SEPTIN6: variants seen among roughly 807,000 people sequenced by gnomAD.
The protein encoded by SEPTIN6 is septin-6.
In SEPTIN6, 8 loss-of-function variants were observed where a neutral mutation model predicts 33.6. The observed-to-expected ratio is 0.24, with a 90% CI of 0.14 to 0.43. SEPTIN6 has a LOEUF of 0.43. Among genes scored for constraint, SEPTIN6 ranks in the 20% least tolerant of loss-of-function variants. The pLI, the probability that SEPTIN6 is intolerant of heterozygous loss-of-function variation, is 1.00. For synonymous variants in SEPTIN6, 131 were observed against 140.0 expected, an observed-to-expected ratio of 0.94 and a Z score of 0.45; for missense variants, 250 against 340.8, an observed-to-expected ratio of 0.73 and a Z score of 2.10.
chrX:119,646,835 G>A (rs1013991478), intron 5 of SEPTIN6: 1 of 266,444 alleles, frequency 3.8e-6, no homozygotes, highest in African/African-American at 2.7e-5. Context: ...CCCAAGCCCA[G>A]GTCCTGAGGA....
chrX:119,634,867 G>C (rs1460302625), intron 7 of SEPTIN6, among the ~76,000 whole-genome samples: 1 of 109,788 alleles, frequency 9.1e-6, no homozygotes, highest in Non-Finnish European at 1.9e-5. Flanking sequence ...AAATTAGCTG[G>C]GTGAGGTGGT....
At chrX:119,621,359 C>T (rs2053756407) in intron 10 of SEPTIN6, among the ~76,000 whole-genome samples, 1 of 109,331 alleles carries the variant, frequency 9.1e-6, no homozygotes, top group African/African-American at 3.3e-5. Flanking sequence ...TAGAACTGAT[C>T]CCCATTTCAT....
intron 1 of SEPTIN6, among the ~76,000 whole-genome samples, chrX:119,691,931 T>C (rs2055179378): frequency 9.0e-6 from 1 of 111,476 alleles, no homozygotes; most frequent in African/African-American, 3.3e-5. Context: ...GGTGGGCTTA[T>C]TAAAGTCCCA....
chrX:119,640,577 C>A, intron 6 of SEPTIN6, 115 bp downstream of exon 6: 1 of 583,174 alleles, frequency 1.7e-6, no homozygotes, highest in Non-Finnish European at 2.8e-6. Flanking sequence ...GGACCCATGC[C>A]GAATGAGCAG....
intron 1 of SEPTIN6, among the ~76,000 whole-genome samples, chrX:119,678,004 G>A (rs1199669205): frequency 8.9e-6 from 1 of 112,133 alleles, no homozygotes; most frequent in Admixed American, 9.4e-5. Context: ...AGGCCGAAGT[G>A]GGCGGATCTC....
chrX:119,638,272 T>C (rs2054100680), intron 6 of SEPTIN6, among the ~76,000 whole-genome samples: 1 of 111,427 alleles, frequency 9.0e-6, no homozygotes, highest in Non-Finnish European at 1.9e-5. Flanking sequence ...CTTTCTGGCC[T>C]GTGTGAACAA....
At chrX:119,662,658 CA>C (rs1208436729) in intron 3 of SEPTIN6, among the ~76,000 whole-genome samples, 1 of 112,304 alleles carries the variant, frequency 8.9e-6, no homozygotes, top group African/African-American at 3.2e-5. Context: ...AGTGTTAGCC[CA>C]GGGGCAGAAC....
chrX:119,616,431 T>C, downstream of SEPTIN6: 1 of 442,414 alleles, frequency 2.3e-6, no homozygotes, highest in South Asian at 2.6e-5. Context: ...GGGTGAGTGG[T>C]CCTGTAGTTG....
At chrX:119,689,172 A>T (rs1395146569) in intron 1 of SEPTIN6, among the ~76,000 whole-genome samples, 1 of 111,770 alleles carries the variant, frequency 8.9e-6, no homozygotes, top group Non-Finnish European at 1.9e-5. Context: ...ACATTGTGGG[A>T]CTAGTTCAAG....
chrX:119,662,789 C>T (rs2054571324), intron 3 of SEPTIN6, among the ~76,000 whole-genome samples: 1 of 112,706 alleles, frequency 8.9e-6, no homozygotes, highest in African/African-American at 3.2e-5. Context: ...TCTTCATTAG[C>T]TTCACAGTGA....
At position 119,621,303 on chromosome X, in the gene SEPTIN6, C is replaced by T. The variant is rs776570944; in HGVS notation, c.*42-1252G>A. 3.0e-4 allele frequency among the ~76,000 whole-genome samples: 33 copies of T among 110,110 alleles called. No homozygotes were observed. The South Asian group carries it at 0.013, about 42-fold the overall frequency. The stretch of plus-strand genomic sequence containing the variant: ...GGTTTGTGCTTAAATAATACTTTGA[C>T]CTCTCTTCCATGTAAATTTCATTCC... On this transcript the variant is annotated intron_variant, in intron 10 of 10. Coordinates refer to ENST00000394610, the MANE Select transcript of SEPTIN6 (RefSeq NM_145799.4).
intron 1 of SEPTIN6, among the ~76,000 whole-genome samples, chrX:119,687,093 G>A (rs2055068333): frequency 9.0e-6 from 1 of 111,629 alleles, no homozygotes; most frequent in Admixed American, 9.5e-5. Context: ...ATTAAATAAA[G>A]GGAACAGTAA....
At position 119,619,749 on chromosome X, in the gene SEPTIN6, GC is replaced by G; in HGVS notation, c.*343del. On this transcript the variant is annotated 3_prime_UTR_variant, in exon 11 of 11. Transcript: ENST00000394610. ...ACAGGGGAGCTGGTGGGAAAGAGTA[GC>G]AGATGGGCCCCCTGACCATGTCACA... 1 of 990,900 alleles carries G rather than the reference GC, an allele frequency of 1.0e-6. No individual in the cohort carries two copies. Among genetic ancestry groups the G allele is most frequent in the Non-Finnish European group, 1.3e-6 (1 of 784,458 alleles). The allele number at this position is 990,900 out of a possible 1,213,427, so 81.7% of individuals were successfully genotyped here.
Position 119,649,878 on chromosome X carries a change from C to G in SEPTIN6, c.690+59G>C. 4 of 1,124,788 alleles carry G rather than the reference C, an allele frequency of 3.6e-6. No individual in the cohort carries two copies. In the South Asian group the frequency reaches 5.5e-5, roughly 16 times the overall value. 92.7% of individuals were successfully genotyped at this position (1,124,788 alleles called of 1,213,427 possible). The stretch of plus-strand genomic sequence containing the variant: ...AGAGCAAGACCCTGTCTCTAAAGCA[C>G]ATTAAAATAATGATAATCATCATAA... On this transcript the variant is annotated intron_variant, in intron 5 of 10. Coordinates refer to ENST00000394610, the MANE Select transcript of SEPTIN6 (RefSeq NM_145799.4).
chrX:119,667,077 T>C (rs1332850499), intron 2 of SEPTIN6, among the ~76,000 whole-genome samples: 1 of 110,877 alleles, frequency 9.0e-6, no homozygotes, highest in Non-Finnish European at 1.9e-5. Flanking sequence ...AGGGAGCACA[T>C]GGAACAGAAC....
At position 119,617,688 on chromosome X, in the gene SEPTIN6, T is replaced by G. The variant is rs1258805347; in HGVS notation, c.*2405A>C. On this transcript the variant is annotated 3_prime_UTR_variant, in exon 11 of 11. Coordinates refer to ENST00000394610, the MANE Select transcript of SEPTIN6 (RefSeq NM_145799.4). ...GATTGAATCCCTTTGTGAAACTGAT[T>G]GGGAGTCAGGAGGCATGAAAATTAG... 2.4e-5 allele frequency: 19 copies of G among 801,634 alleles called. No homozygotes were observed. The highest frequency in any genetic ancestry group is 2.8e-5 in the Non-Finnish European group (19 of 667,389). 66.1% of individuals were successfully genotyped at this position (801,634 alleles called of 1,213,427 possible). A position where few individuals can be genotyped will look rare whatever the true frequency, so the allele number is the denominator to read the frequency against.
In SEPTIN6 at chrX:119,619,199, T is replaced by G; in HGVS notation, c.*894A>C. ...TTTCCAGCCTACAAAGTGGGATTTA[T>G]TATTCCTGCTACTGGCCTCACCTTA... is the stretch of plus-strand genomic sequence containing the variant. On this transcript the variant is annotated 3_prime_UTR_variant, in exon 11 of 11. Transcript: ENST00000394610. 1 of 832,395 alleles carries G rather than the reference T, an allele frequency of 1.2e-6. No homozygotes were observed. The allele number at this position is 832,395 out of a possible 1,213,427, so 68.6% of individuals were successfully genotyped here. A position where few individuals can be genotyped will look rare whatever the true frequency, so the allele number is the denominator to read the frequency against.
At chrX:119,657,232 ACAAAAC>A (rs386827247) in intron 3 of SEPTIN6, among the ~76,000 whole-genome samples, 4 of 107,147 alleles carry the variant, frequency 3.7e-5, no homozygotes, top group South Asian at 4.0e-4. Flanking sequence ...AAAAAAAAAA[ACAAAAC>A]AAAAAAACTG....
rs2053983830 is a variant in SEPTIN6, at chrX:119,632,496, AACAG to A, written c.1089+860_1089+863del. The stretch of plus-strand genomic sequence containing the variant: ...CAGGCGTGAGCCACCGCGCCCAGCC[AACAG>A]ACATTTTTTTTTTTTAAGTGAAACT... On this transcript the variant is annotated intron_variant, in intron 8 of 10. Transcript: ENST00000394610. 2.8e-5 allele frequency among the ~76,000 whole-genome samples: 3 copies of A among 107,612 alleles called. No individual in the cohort carries two copies. The South Asian group carries it at 1.2e-3, about 44-fold the overall frequency. 93.4% of individuals were successfully genotyped at this position (107,612 alleles called of 115,157 possible). A position where few individuals can be genotyped will look rare whatever the true frequency, so the allele number is the denominator to read the frequency against.
Sources: allele counts gnomAD v4.1 joint callset (sites outside exome capture counted in the v4.1 genomes callset), GRCh38; gene constraint gnomAD v4.1.1; transcripts MANE v1.5; gene names NCBI Gene and HGNC (gene_info 2026-07-23, HGNC 2026-07-21).